Variants in DLG2 observed in about 807,000 individuals in gnomAD.
DLG2 encodes the protein discs large MAGUK scaffold protein 2.
Under a neutral mutation model 132.5 loss-of-function variants are expected in DLG2, and 45 were observed. The ratio of observed to expected loss-of-function variants is 0.34; its 90% CI spans 0.27 to 0.44. DLG2 has a LOEUF of 0.44. DLG2 is among the 20% of genes least tolerant of loss of function. The pLI is 1.00. For synonymous variants in DLG2, 424 were observed against 419.6 expected (o/e 1.01, Z -0.13); for missense variants, 1,045 against 1,196.9 (o/e 0.87, Z 1.87).
In DLG2 at chr11:84,636,260, G is replaced by A. The variant is rs545953396; in HGVS notation, c.358-101529C>T. ...TGAGCCTTCAGAGATTCATTTGGCC[G>A]AGAAATAGCCACAGTCCTCCCTAAA... On this transcript the variant is annotated intron_variant, in intron 6 of 27. Transcript: ENST00000376104. 6.0e-4 allele frequency among the ~76,000 whole-genome samples: 91 copies of A among 152,290 alleles called. 1 individual carries two copies. The highest frequency in any genetic ancestry group is 9.7e-4 in the Non-Finnish European group (66 of 68,026).
chr11:85,366,993 T>C (rs947907562), intron 3 of DLG2, among the ~76,000 whole-genome samples: 2 of 152,184 alleles, frequency 1.3e-5, no homozygotes, highest in South Asian at 2.1e-4. Context: ...TTTTATAGTA[T>C]ACTTCCAGAA....
At chr11:84,349,503 T>C (rs981035228) in intron 7 of DLG2, among the ~76,000 whole-genome samples, 2 of 152,194 alleles carry the variant, frequency 1.3e-5, no homozygotes, top group African/African-American at 4.8e-5. Context: ...AAAGCCGTCA[T>C]GAGAAATATG....
At position 84,243,017 on chromosome 11, in the gene DLG2, C is replaced by CTCTCTCTCTA. The variant is rs542476924; in HGVS notation, c.573+8220_573+8221insTAGAGAGAGA. 3.2e-3 allele frequency among the ~76,000 whole-genome samples: 454 copies of CTCTCTCTCTA among 142,180 alleles called. 3 individuals carry two copies. Among genetic ancestry groups the CTCTCTCTCTA allele is most frequent in the African/African-American group, 6.5e-3 (249 of 38,156 alleles). The allele number at this position is 142,180 out of a possible 152,430, so 93.3% of individuals were successfully genotyped here. On this transcript the variant is annotated intron_variant, in intron 8 of 27. Transcript: ENST00000376104. The stretch of plus-strand genomic sequence containing the variant: ...GTTCTCTCTCTCTCTCTCTCTCTCT[C>CTCTCTCTCTA]TATATATATATATATATATATACAC...
chr11:83,674,914 G>A (rs1490744447), intron 18 of DLG2, among the ~76,000 whole-genome samples: 5 of 152,216 alleles, frequency 3.3e-5, no homozygotes, highest in Non-Finnish European at 2.9e-5. Context: ...CACCAGGTAG[G>A]TGGATTGACA....
At chr11:84,775,265 T>A (rs1191918071) in intron 6 of DLG2, among the ~76,000 whole-genome samples, 1 of 151,052 alleles carries the variant, frequency 6.6e-6, no homozygotes, top group African/African-American at 2.4e-5. Flanking sequence ...TATTAAAAAG[T>A]AAAAATCAAC....
At chr11:85,159,333 A>G (rs997311867) in intron 4 of DLG2, among the ~76,000 whole-genome samples, 3 of 152,218 alleles carry the variant, frequency 2.0e-5, no homozygotes, top group African/African-American at 7.2e-5. Context: ...CATACTTGCA[A>G]GCTGGCAGAA....
At chr11:84,285,592 G>T (rs1392344314) in intron 7 of DLG2, among the ~76,000 whole-genome samples, 1 of 152,072 alleles carries the variant, frequency 6.6e-6, no homozygotes, top group African/African-American at 2.4e-5. Context: ...TCCTCTATTT[G>T]CTAGATGCCA....
At chr11:84,409,425 G>T (rs1196710097) in intron 7 of DLG2, among the ~76,000 whole-genome samples, 1 of 152,144 alleles carries the variant, frequency 6.6e-6, no homozygotes, top group Non-Finnish European at 1.5e-5. Context: ...GGTATTGTCA[G>T]CAGGGAAATG....
chr11:84,243,017 C>CTCTCTCTCTATA (rs542476924), intron 8 of DLG2, among the ~76,000 whole-genome samples: 1,614 of 142,108 alleles, frequency 0.011, 9 homozygotes, highest in African/African-American at 0.017. Flanking sequence ...CTCTCTCTCT[C>CTCTCTCTCTATA]TATATATATA....
intron 2 of DLG2, among the ~76,000 whole-genome samples, chr11:85,610,863 T>C (rs906905440): frequency 1.3e-5 from 2 of 152,096 alleles, no homozygotes; most frequent in Non-Finnish European, 2.9e-5. Flanking sequence ...GTTGCAGGGG[T>C]TCCTTGGAAT....
At position 83,455,872 on chromosome 11, in the gene DLG2, A is replaced by G. The variant is rs1395066314; in HGVS notation, c.*3946T>C. 6.6e-6 allele frequency: 1 copy of G among 152,420 alleles called. No homozygotes were observed. The highest frequency in any genetic ancestry group is 1.5e-5 in the Non-Finnish European group (1 of 68,032). 9.4% of individuals were successfully genotyped at this position (152,420 alleles called of 1,614,324 possible). A position where few individuals can be genotyped will look rare whatever the true frequency, so the allele number is the denominator to read the frequency against. On this transcript the variant is annotated 3_prime_UTR_variant, in exon 28 of 28. Coordinates refer to ENST00000376104, the MANE Select transcript of DLG2 (RefSeq NM_001142699.3). ...TTTTCCCTCTAGGAGTAACAAATTA[A>G]TGTGATCAACTTAGGAATTAGCCTG...
intron 6 of DLG2, among the ~76,000 whole-genome samples, chr11:84,964,784 A>G (rs2053089982): frequency 6.6e-6 from 1 of 152,130 alleles, no homozygotes; most frequent in Admixed American, 6.6e-5. Flanking sequence ...AATAGCAGCT[A>G]CAGGAGCCTA....
intron 19 of DLG2, among the ~76,000 whole-genome samples, chr11:83,553,514 G>A (rs1448505799): frequency 6.7e-6 from 1 of 149,692 alleles, no homozygotes; most frequent in Non-Finnish European, 1.5e-5. Flanking sequence ...GTGTGTGTGT[G>A]TGTGTGTGTG....
At chr11:85,163,246 A>G (rs1167490316) in intron 4 of DLG2, among the ~76,000 whole-genome samples, 1 of 150,368 alleles carries the variant, frequency 6.7e-6, no homozygotes, top group Non-Finnish European at 1.5e-5. Flanking sequence ...CACACACACT[A>G]TTAGTTCTGT....
intron 7 of DLG2, among the ~76,000 whole-genome samples, chr11:84,434,485 C>A (rs1445502952): frequency 6.6e-6 from 1 of 152,166 alleles, no homozygotes; most frequent in African/African-American, 2.4e-5. Context: ...AATCCCAACA[C>A]TGAGACTTAC....
intron 6 of DLG2, among the ~76,000 whole-genome samples, chr11:84,650,822 C>T (rs2099680634): frequency 7.3e-6 from 1 of 136,840 alleles, no homozygotes; most frequent in Admixed American, 7.3e-5. Context: ...TTTACCATAA[C>T]AGAAAAGTTA....
At chr11:84,567,020 C>G (rs1046859617) in intron 6 of DLG2, among the ~76,000 whole-genome samples, 3 of 152,126 alleles carry the variant, frequency 2.0e-5, no homozygotes, top group Admixed American at 1.3e-4. Context: ...ATAGAAAATA[C>G]TTGCTGGTGA....
intron 7 of DLG2, among the ~76,000 whole-genome samples, chr11:84,268,268 C>T (rs146112487): frequency 3.3e-4 from 51 of 152,242 alleles, no homozygotes; most frequent in African/African-American, 1.1e-3. Flanking sequence ...TCCCTTGCTG[C>T]ATTTACCATG....
At chr11:85,140,838 T>G (rs2076422160) in intron 5 of DLG2, among the ~76,000 whole-genome samples, 1 of 151,964 alleles carries the variant, frequency 6.6e-6, no homozygotes, top group Non-Finnish European at 1.5e-5. Context: ...GTGAAATTTG[T>G]CTTTCTGTGC....
Sources: allele counts gnomAD v4.1 joint callset (sites outside exome capture counted in the v4.1 genomes callset), GRCh38; gene constraint gnomAD v4.1.1; transcripts MANE v1.5; gene names NCBI Gene and HGNC (gene_info 2026-07-23, HGNC 2026-07-21).